The following PRG2 variants were observed in gnomAD, a reference collection of about 807,000 sequenced individuals.
The protein encoded by PRG2 is bone marrow proteoglycan.
A neutral mutation model predicts 24.7 loss-of-function variants in PRG2; 23 were observed. That is an observed-to-expected ratio of 0.93 (90% CI 0.67 to 1.32). The LOEUF is 1.32. Ranked by LOEUF, PRG2 falls within the 40% of genes most tolerant of loss-of-function variation. PRG2 has a pLI of 0.00. For missense variants in PRG2, 271 were observed against 280.9 expected, an observed-to-expected ratio of 0.96 and a Z score of 0.25; for synonymous variants, 104 against 99.8, an observed-to-expected ratio of 1.04 and a Z score of -0.25.
At chr11:57,388,868 A>AC (rs781092452) in intron 3 of PRG2, 142 bp downstream of exon 3, 5 of 1,414,946 alleles carry the variant, frequency 3.5e-6, no homozygotes, top group Non-Finnish European at 4.7e-6. Flanking sequence ...CTCCCCTCTT[A>AC]CCCCAACACC....
Position 57,387,789 on chromosome 11 carries a change from G to A in PRG2, c.575C>T (p.Ser192Phe), listed in dbSNP as rs374486751. ...CAGGGCCACGCAGTGACCACCGCGG[G>A]ACCAGGGCTGGTGAGCAGCCCAGTA... ...FAYWAAHQPW[S>F]RGGHCVALCT... The change falls in exon 5 of 6, where the codon TCC (serine) becomes TTC (phenylalanine). Residue 192 changes from serine (S) to phenylalanine (F), a missense_variant. Transcript: ENST00000311862. 4.4e-6 allele frequency: 7 copies of A among 1,592,922 alleles called. No homozygotes were observed. The highest frequency in any genetic ancestry group is 1.8e-5 in the Admixed American group (1 of 56,030).
chr11:57,388,522 G>T (rs776932728), intron 4 of PRG2, 55 bp downstream of exon 4: 4 of 1,601,794 alleles, frequency 2.5e-6, no homozygotes, highest in Non-Finnish European at 3.4e-6. Context: ...GATGCAAGCT[G>T]AGTGCTGGCT....
intron 1 of PRG2, among the ~76,000 whole-genome samples, 192 bp from the exon 2 acceptor site, chr11:57,390,148 T>C (rs1021880996): frequency 3.3e-5 from 5 of 152,116 alleles, no homozygotes; most frequent in Admixed American, 3.3e-4. Flanking sequence ...AGGACCTCTT[T>C]CTAAACAGAA....
At chr11:57,390,272 T>G (rs764821684) in intron 1 of PRG2, among the ~76,000 whole-genome samples, 1 of 152,000 alleles carries the variant, frequency 6.6e-6, no homozygotes, top group Non-Finnish European at 1.5e-5. Context: ...GTCTATGACA[T>G]AAAAAAGGCG....
chr11:57,388,849 T>C, intron 3 of PRG2, 141 bp from the exon 4 acceptor site: 1 of 1,424,052 alleles, frequency 7.0e-7, no homozygotes, highest in South Asian at 1.4e-5. Flanking sequence ...CTTCTGTTTG[T>C]AGGTGGCCCT....
rs2134470275 is a variant in PRG2 at position 57,387,364 on chromosome 11, A to G, written c.*111T>C. ...CGCGATCAGAGGAGAAAATAAATCCATTTCAGTAAAACCCATTTTATTGCA... is the reference window on the plus strand; with the variant it reads ...CGCGATCAGAGGAGAAAATAAATCCGTTTCAGTAAAACCCATTTTATTGCA... On this transcript the variant is annotated 3_prime_UTR_variant, in exon 6 of 6. Transcript: ENST00000311862. The G allele has an allele frequency of 1.1e-6, 1 of 951,106 alleles. No homozygotes were observed. Among genetic ancestry groups the G allele is most frequent in the South Asian group, 1.5e-5 (1 of 64,866 alleles). 58.9% of individuals were successfully genotyped at this position (951,106 alleles called of 1,614,324 possible).
chr11:57,389,182 T>C lies in PRG2; in HGVS notation c.194A>G (p.Glu65Gly), dbSNP rs139377325. The C allele has an allele frequency of 1.9e-5, 30 of 1,614,166 alleles. 1 individual carries two copies. The Middle Eastern group carries it at 1.2e-3, about 62-fold the overall frequency. The change falls in exon 3 of 6, where the codon GAA becomes GGA. Residue 65 changes from glutamate (E) to glycine (G), a missense_variant. Transcript: ENST00000311862. ...AGCCCCATCTTTCTTGGAGGCATCT[T>C]CACTTCCAGAGCCCCACTCCTCCTC... is the stretch of plus-strand genomic sequence containing the variant. ...EEEEEWGSGS[E>G]DASKKDGAVE...
Position 57,390,543 on chromosome 11 carries a change from C to T in PRG2, c.-13+53G>A, listed in dbSNP as rs369795475. 5.5e-5 allele frequency: 54 copies of T among 974,196 alleles called. No homozygotes were observed. In the South Asian group the frequency reaches 2.0e-3, roughly 37 times the overall value. The allele number at this position is 974,196 out of a possible 1,614,324, so 60.3% of individuals were successfully genotyped here. ...GAAACTGTCAGCCACAGCCAGGGAC[C>T]TCCTGGGAGAATAAACTGTCACCAG... On this transcript the variant is annotated intron_variant, in intron 1 of 5. Transcript: ENST00000311862.
chr11:57,387,869 G>C lies in PRG2; in HGVS notation c.499-4C>G, dbSNP rs1210996719. On this transcript the variant is annotated splice_polypyrimidine_tract_variant and splice_region_variant and intron_variant, in intron 4 of 5. Coordinates refer to ENST00000311862, the MANE Select transcript of PRG2 (RefSeq NM_002728.6). ...ACTGAAAGCGTCTGCAGCGACCCTG[G>C]AGAAAGCAAGAGGGGAAGAAGGGAT... The C allele has an allele frequency of 1.3e-6, 2 of 1,553,714 alleles. No individual in the cohort carries two copies. The highest frequency in any genetic ancestry group is 1.7e-6 in the Non-Finnish European group (2 of 1,147,664).
chr11:57,387,885 A>G lies in PRG2; in HGVS notation c.499-20T>C. The G allele has an allele frequency of 6.5e-7, 1 of 1,531,256 alleles. No individual in the cohort carries two copies. The highest frequency in any genetic ancestry group is 8.8e-7 in the Non-Finnish European group (1 of 1,132,234). 94.9% of individuals were successfully genotyped at this position (1,531,256 alleles called of 1,614,324 possible). ...GCGACCCTGGAGAAAGCAAGAGGGG[A>G]AGAAGGGATGGGGCAGAGGGAAGGC... On this transcript the variant is annotated intron_variant, in intron 4 of 5. Coordinates refer to ENST00000311862, the MANE Select transcript of PRG2 (RefSeq NM_002728.6).
Position 57,387,554 on chromosome 11 carries a change from G to A in PRG2, c.611-21C>T, listed in dbSNP as rs537148351. 5 of 1,608,240 alleles carry A rather than the reference G, an allele frequency of 3.1e-6. No homozygotes were observed. The South Asian group carries it at 5.5e-5, about 18-fold the overall frequency. ...GCCTCCTGTGAAGGCAGAACAGAAA[G>A]GGACTTTCAGCCTCTTGTCCATCCC... On this transcript the variant is annotated intron_variant, in intron 5 of 5. Transcript: ENST00000311862.
At position 57,387,200 on chromosome 11, in the gene PRG2, T is replaced by A. The variant is rs1034678684; in HGVS notation, c.*275A>T. ...AACTAGCTGAGCCCATTCCTCCATC[T>A]CCAAAAGGCTCCATAGACCCAACTC... On this transcript the variant is annotated 3_prime_UTR_variant, in exon 6 of 6. Transcript: ENST00000311862. 6 of 371,052 alleles carry A rather than the reference T, an allele frequency of 1.6e-5. No homozygotes were observed. The highest frequency in any genetic ancestry group is 1.3e-4 in the African/African-American group (6 of 47,522). The allele number at this position is 371,052 out of a possible 1,614,324, so 23.0% of individuals were successfully genotyped here.
At chr11:57,389,771 C>G (rs1857122496) in intron 2 of PRG2, 116 bp downstream of exon 2, 1 of 973,492 alleles carries the variant, frequency 1.0e-6, no homozygotes, top group African/African-American at 1.6e-5. Context: ...TTTAAGCACA[C>G]AGAAATTCAG....
intron 5 of PRG2, 67 bp downstream of exon 5, chr11:57,387,687 C>T (rs992741180): frequency 2.1e-5 from 29 of 1,409,494 alleles, no homozygotes; most frequent in Non-Finnish European, 2.7e-5. Flanking sequence ...CTCTTTGTAG[C>T]ATCTCCTCCT....
At chr11:57,389,465 A>G in intron 2 of PRG2, 148 bp from the exon 3 acceptor site, 1 of 908,960 alleles carries the variant, frequency 1.1e-6, no homozygotes, top group Non-Finnish European at 1.6e-6. Flanking sequence ...TATGAGGGGA[A>G]CCCAAGCTGC....
At chr11:57,387,712 T>A (rs1857071844) in intron 5 of PRG2, 42 bp downstream of exon 5, 5 of 1,486,414 alleles carry the variant, frequency 3.4e-6, no homozygotes, top group Non-Finnish European at 4.5e-6. Context: ...GCACTTCCCA[T>A]CTCCCAGACC....
In PRG2 at chr11:57,389,175, G is replaced by C. The variant is rs1349881029; in HGVS notation, c.201C>G (p.Ala67=). The stretch of plus-strand genomic sequence containing the variant: ...ACTCAACAGCCCCATCTTTCTTGGA[G>C]GCATCTTCACTTCCAGAGCCCCACT... ...EEEWGSGSED[A]SKKDGAVESI... Residue 67 remains alanine (A), a synonymous_variant, in exon 3 of 6, where the codon GCC becomes GCG. Transcript: ENST00000311862. 6.2e-7 allele frequency: 1 copy of C among 1,614,152 alleles called. No individual in the cohort carries two copies. Among genetic ancestry groups the C allele is most frequent in the Admixed American group, 1.7e-5 (1 of 60,012 alleles).
Position 57,388,594 on chromosome 11 carries a change from C to G in PRG2, c.481G>C (p.Gly161Arg). 1.9e-6 allele frequency: 3 copies of G among 1,613,944 alleles called. No homozygotes were observed. Among genetic ancestry groups the G allele is most frequent in the Non-Finnish European group, 2.5e-6 (3 of 1,179,870 alleles). Residue 161 changes from glycine to arginine, a missense_variant, in exon 4 of 6, where the codon GGC becomes CGC. Transcript: ENST00000311862. ...TCTCTTACCGAGCCTGTGATCCTGC[C>G]TCCAATCCAGACTTGACCCTGGTTG... ...ALNQGQVWIG[G>R]RITGSGRCRR...
chr11:57,388,197 G>A lies in PRG2; in HGVS notation c.499-332C>T, dbSNP rs187734394. Among the ~76,000 whole-genome samples the A allele has an allele frequency of 1.0e-3, 154 of 151,622 alleles. 4 individuals are homozygous for A. The South Asian group carries it at 0.027, about 27-fold the overall frequency. ...TTATTTATTTATTTATTTTTGAGGC[G>A]GAGTTTCGCTCTTGTTGCCCAGGCT... is the stretch of plus-strand genomic sequence containing the variant. On this transcript the variant is annotated intron_variant, in intron 4 of 5. Transcript: ENST00000311862.
Sources: gnomAD v4.1 joint callset for allele counts (sites outside exome capture counted in the v4.1 genomes callset) on GRCh38, gnomAD v4.1.1 for gene constraint, MANE v1.5 for transcripts, NCBI Gene and HGNC (gene_info 2026-07-23, HGNC 2026-07-21) for gene names.